Variants in DLGAP2 observed in about 807,000 individuals in gnomAD.
DLGAP2 encodes the protein disks large-associated protein 2.
A neutral mutation model predicts 100.3 loss-of-function variants in DLGAP2; 26 were observed. That is an observed-to-expected ratio of 0.26 (90% CI 0.19 to 0.36). The LOEUF (loss-of-function observed/expected upper bound fraction) is 0.36. DLGAP2 is among the 10% of genes least tolerant of loss of function. The pLI is 1.00. For missense variants in DLGAP2, 1,858 were observed against 1,453.2 expected (o/e 1.28, Z -4.53); for synonymous variants, 886 against 630.1 (o/e 1.41, Z -6.08).
chr8:955,857 T>C (rs961785938), intron 2 of DLGAP2, among the ~76,000 whole-genome samples: 2 of 152,222 alleles, frequency 1.3e-5, no homozygotes, highest in African/African-American at 2.4e-5. Flanking sequence ...CATCTGTAGT[T>C]TTCCTGGGAA....
intron 8 of DLGAP2, among the ~76,000 whole-genome samples, chr8:1,658,673 T>C (rs1277663753): frequency 6.6e-6 from 1 of 152,232 alleles, no homozygotes; most frequent in African/African-American, 2.4e-5. Context: ...TGTATTTCTG[T>C]GGGATCAGTG....
At chr8:1,616,310 TGA>T (rs1286753327) in intron 6 of DLGAP2, among the ~76,000 whole-genome samples, 2 of 152,000 alleles carry the variant, frequency 1.3e-5, no homozygotes, top group African/African-American at 2.4e-5. Context: ...GGGAGAAAAC[TGA>T]GAGAATTTGG....
chr8:1,697,384 G>A (rs1040993240), intron 14 of DLGAP2, 85 bp downstream of exon 14: 28 of 1,493,418 alleles, frequency 1.9e-5, no homozygotes, highest in Middle Eastern at 3.6e-4. Context: ...GCATGACAAC[G>A]GGGTTCTCAG....
At chr8:1,585,968 CA>C (rs1284552711) in intron 6 of DLGAP2, among the ~76,000 whole-genome samples, 1 of 152,224 alleles carries the variant, frequency 6.6e-6, no homozygotes, top group African/African-American at 2.4e-5. Flanking sequence ...GCGTAGTTTA[CA>C]ATAAACATGA....
rs147007480 is a variant in DLGAP2, at chr8:1,290,348, C to T, written c.106+31465C>T. ...ACCTGCAGTTTGCATATGATGGTCCCGCTTTACAAATGGTGCCTACATAGT... is the reference window on the plus strand; with the variant it reads ...ACCTGCAGTTTGCATATGATGGTCCTGCTTTACAAATGGTGCCTACATAGT... On this transcript the variant is annotated intron_variant, in intron 3 of 14. Transcript: ENST00000637795. Among the ~76,000 whole-genome samples, 328 of 152,292 alleles carry T rather than the reference C, an allele frequency of 2.2e-3. 5 individuals are homozygous for T. The highest frequency in any genetic ancestry group is 7.1e-3 in the African/African-American group (295 of 41,574).
intron 2 of DLGAP2, among the ~76,000 whole-genome samples, chr8:1,069,648 T>A (rs1344777546): frequency 2.0e-5 from 3 of 152,176 alleles, no homozygotes; most frequent in African/African-American, 7.2e-5. Flanking sequence ...CATTAGAGTA[T>A]AATATATACT....
intron 2 of DLGAP2, among the ~76,000 whole-genome samples, chr8:959,454 G>C (rs978193028): frequency 6.6e-6 from 1 of 152,214 alleles, no homozygotes; most frequent in African/African-American, 2.4e-5. Flanking sequence ...AGAATGCCCT[G>C]GCTCATGCTG....
At chr8:814,869 A>AG (rs1563045868) in intron 1 of DLGAP2, among the ~76,000 whole-genome samples, 1 of 151,428 alleles carries the variant, frequency 6.6e-6, no homozygotes, top group South Asian at 2.1e-4. Context: ...AAAAAAAAAA[A>AG]AAAAGAAATA....
At chr8:1,017,862 C>T (rs1048757319) in intron 2 of DLGAP2, among the ~76,000 whole-genome samples, 3 of 152,214 alleles carry the variant, frequency 2.0e-5, no homozygotes, top group African/African-American at 7.2e-5. Flanking sequence ...TCAGGGCAGG[C>T]AAACTGTGGC....
intron 1 of DLGAP2, among the ~76,000 whole-genome samples, chr8:893,404 C>T (rs951724725): frequency 7.2e-5 from 11 of 152,326 alleles, no homozygotes; most frequent in African/African-American, 2.2e-4. Context: ...ATCTAACTTA[C>T]GTGTCGTATC....
At chr8:1,020,619 G>C (rs1482280506) in intron 2 of DLGAP2, among the ~76,000 whole-genome samples, 2 of 152,244 alleles carry the variant, frequency 1.3e-5, no homozygotes, top group Admixed American at 1.3e-4. Context: ...GTCATTAACA[G>C]CGATGGTGGT....
At chr8:1,267,634 TAGGTCTACAAA>T (rs1799493108) in intron 3 of DLGAP2, among the ~76,000 whole-genome samples, 3 of 19,214 alleles carry the variant, frequency 1.6e-4, no homozygotes, top group African/African-American at 7.4e-4. Context: ...AAATATTAAA[TAGGTCTACAAA>T]AAGGCCTCCA....
intron 6 of DLGAP2, among the ~76,000 whole-genome samples, chr8:1,572,327 A>G (rs1802752350): frequency 7.5e-6 from 1 of 132,618 alleles, no homozygotes. Context: ...GAAAGGAGTG[A>G]ACTGTGGGGG....
intron 2 of DLGAP2, among the ~76,000 whole-genome samples, chr8:1,234,048 T>G (rs1297841236): frequency 1.3e-5 from 2 of 152,176 alleles, no homozygotes; most frequent in African/African-American, 4.8e-5. Context: ...AAGGCCCAGG[T>G]GAATACCTAA....
chr8:1,063,806 C>G (rs1803161688), intron 2 of DLGAP2, among the ~76,000 whole-genome samples: 1 of 152,098 alleles, frequency 6.6e-6, no homozygotes, highest in Admixed American at 6.5e-5. Context: ...ATTTTGTTCC[C>G]AGAGCTCGGT....
intron 2 of DLGAP2, among the ~76,000 whole-genome samples, chr8:1,176,700 G>A (rs552467951): frequency 6.6e-6 from 1 of 152,152 alleles, no homozygotes; most frequent in Admixed American, 6.5e-5. Flanking sequence ...CCAGGGCTCC[G>A]TCTGCCATGC....
At chr8:891,737 G>T (rs1022616188) in intron 1 of DLGAP2, 2 of 152,308 alleles carry the variant, frequency 1.3e-5, no homozygotes, top group Non-Finnish European at 2.9e-5. Flanking sequence ...AATTCTAAAA[G>T]ACACTGTGGA....
chr8:1,047,993 C>A (rs1007561982), intron 2 of DLGAP2, among the ~76,000 whole-genome samples: 4 of 152,230 alleles, frequency 2.6e-5, no homozygotes, highest in African/African-American at 9.6e-5. Flanking sequence ...AACCTTAGAC[C>A]GTTAAGGCCT....
At position 1,242,344 on chromosome 8, in the gene DLGAP2, C is replaced by A. The variant is rs1242893983; in HGVS notation, c.74-16507C>A. ...TTCTGGAGGATTTGGAGGAGCTATG[C>A]CATTACCTGCTCATGGCTAGAAAGT... On this transcript the variant is annotated intron_variant, in intron 2 of 14. Coordinates refer to ENST00000637795, the MANE Select transcript of DLGAP2 (RefSeq NM_001346810.2). Among the ~76,000 whole-genome samples, 4 of 152,270 alleles carry A rather than the reference C, an allele frequency of 2.6e-5. No individual in the cohort carries two copies. In the East Asian group the frequency reaches 5.8e-4, roughly 22 times the overall value.
Sources: gnomAD v4.1 joint callset for allele counts (sites outside exome capture counted in the v4.1 genomes callset) on GRCh38, gnomAD v4.1.1 for gene constraint, MANE v1.5 for transcripts, NCBI Gene and HGNC (gene_info 2026-07-23, HGNC 2026-07-21) for gene names.